Variants in CDH4 observed in about 807,000 individuals in gnomAD.
The protein encoded by CDH4 is cadherin 4, also known as cadherin-4.
In CDH4, 33 loss-of-function variants were observed where a neutral mutation model predicts 86.0. The ratio of observed to expected loss-of-function variants is 0.38; its 90% confidence interval spans 0.29 to 0.51. CDH4 has a LOEUF of 0.51. Among genes scored for constraint, CDH4 ranks in the 20% least tolerant of loss-of-function variants. CDH4 has a pLI of 0.86. For missense variants in CDH4, 1,114 were observed against 1,307.4 expected (o/e 0.85, Z 2.28); for synonymous variants, 555 against 549.4 (o/e 1.01, Z -0.14).
At chr20:61,814,784 T>C (rs1483201359) in intron 4 of CDH4, among the ~76,000 whole-genome samples, 2 of 152,226 alleles carry the variant, frequency 1.3e-5, no homozygotes, top group African/African-American at 4.8e-5. Context: ...AACGAGGCAG[T>C]GCTCACGGTA....
At chr20:61,284,824 T>G (rs1366118799) in intron 2 of CDH4, among the ~76,000 whole-genome samples, 2 of 152,240 alleles carry the variant, frequency 1.3e-5, no homozygotes, top group Non-Finnish European at 2.9e-5. Context: ...TAGTCATTAT[T>G]TTAGGCTTGG....
intron 2 of CDH4, among the ~76,000 whole-genome samples, chr20:61,499,121 A>T (rs1021709495): frequency 6.6e-6 from 1 of 152,224 alleles, no homozygotes; most frequent in African/African-American, 2.4e-5. Context: ...TCGGACACCC[A>T]GGTCCCTCCT....
chr20:61,798,143 C>T (rs1317061349), intron 4 of CDH4, among the ~76,000 whole-genome samples: 1 of 152,150 alleles, frequency 6.6e-6, no homozygotes, highest in African/African-American at 2.4e-5. Context: ...CGCCCTCTCA[C>T]CCTGCGCCTC....
chr20:61,839,055 G>A (rs950278878), intron 4 of CDH4, among the ~76,000 whole-genome samples: 1 of 152,174 alleles, frequency 6.6e-6, no homozygotes, highest in East Asian at 1.9e-4. Flanking sequence ...AAGGGTCTGC[G>A]ATCTGTTTTC....
intron 8 of CDH4, among the ~76,000 whole-genome samples, chr20:61,900,922 A>G (rs1308819464): frequency 2.0e-5 from 3 of 152,216 alleles, no homozygotes; most frequent in East Asian, 1.9e-4. Flanking sequence ...AGAAAGACCA[A>G]TGAGTAAAAC....
chr20:61,747,212 C>T (rs577967811), intron 3 of CDH4, among the ~76,000 whole-genome samples: 7 of 152,190 alleles, frequency 4.6e-5, no homozygotes, highest in East Asian at 1.9e-4. Flanking sequence ...GAGGCCGAGG[C>T]GGGCGGATCA....
At chr20:61,410,569 C>T (rs2085112958) in intron 2 of CDH4, among the ~76,000 whole-genome samples, 1 of 150,840 alleles carries the variant, frequency 6.6e-6, no homozygotes, top group Non-Finnish European at 1.5e-5. Context: ...TCCATCTATC[C>T]ATCCATTCAT....
chr20:61,763,810 G>A (rs538264773), intron 3 of CDH4, among the ~76,000 whole-genome samples: 3 of 152,128 alleles, frequency 2.0e-5, no homozygotes, highest in African/African-American at 4.8e-5. Context: ...CATAATTCCC[G>A]GCTCCTAACA....
Position 61,883,168 on chromosome 20 carries a change from A to C in CDH4, c.1050+9268A>C, listed in dbSNP as rs185309183. On this transcript the variant is annotated intron_variant, in intron 7 of 15. Transcript: ENST00000614565. Reference sequence around the variant, plus strand: ...CCCCCCGCCTACAGCATTCCTCCCGAGACCTCCACAGCTCGACAGCCACAT... The same window carrying C: ...CCCCCCGCCTACAGCATTCCTCCCGCGACCTCCACAGCTCGACAGCCACAT... Among the ~76,000 whole-genome samples, 28 of 148,824 alleles carry C rather than the reference A, an allele frequency of 1.9e-4. No homozygotes were observed. The East Asian group carries it at 4.1e-3, about 22-fold the overall frequency.
At chr20:61,402,317 T>A (rs1422625884) in intron 2 of CDH4, among the ~76,000 whole-genome samples, 13 of 152,230 alleles carry the variant, frequency 8.5e-5, no homozygotes. Context: ...GTAAATGCTA[T>A]GTAAATAGTT....
In CDH4 at chr20:61,708,573, G is replaced by T. The variant is rs2087857748; in HGVS notation, c.170-34990G>T. 6.6e-6 allele frequency among the ~76,000 whole-genome samples: 1 copy of T among 152,028 alleles called. No individual in the cohort carries two copies. The highest frequency in any genetic ancestry group is 6.6e-5 in the Admixed American group (1 of 15,260). On this transcript the variant is annotated intron_variant, in intron 2 of 15. Coordinates refer to ENST00000614565, the MANE Select transcript of CDH4 (RefSeq NM_001794.5). The surrounding 1 kb of genome is among the most constrained non-coding windows in gnomAD (Gnocchi z 4.5). ...AGGCTCTTTGCCCCCCACTTCCCCA[G>T]CCCTGCTCCCTCCAGCCTCATGCCC...
chr20:61,720,253 T>A (rs2088020267), intron 2 of CDH4, among the ~76,000 whole-genome samples: 1 of 152,118 alleles, frequency 6.6e-6, no homozygotes, highest in Non-Finnish European at 1.5e-5. Context: ...GCAGCCAGGT[T>A]TAGTTCTGTG....
intron 2 of CDH4, among the ~76,000 whole-genome samples, chr20:61,557,756 C>A (rs778273525): frequency 5.3e-5 from 8 of 152,194 alleles, no homozygotes; most frequent in Non-Finnish European, 1.0e-4. Context: ...AGGGCGTGAA[C>A]GTGCAGCCAC....
intron 2 of CDH4, among the ~76,000 whole-genome samples, chr20:61,630,398 A>C (rs1049440155): frequency 6.6e-6 from 1 of 152,202 alleles, no homozygotes; most frequent in Non-Finnish European, 1.5e-5. Context: ...GCGAAGTGTC[A>C]GAGATCCCCA....
chr20:61,932,630 TACAC>T (rs1386420110), intron 13 of CDH4, among the ~76,000 whole-genome samples: 6 of 152,142 alleles, frequency 3.9e-5, no homozygotes, highest in African/African-American at 1.4e-4. Flanking sequence ...CAAGCCTTCA[TACAC>T]ACGTCCTCCT....
chr20:61,369,230 ATCATGAGT>A (rs573873742), intron 2 of CDH4, among the ~76,000 whole-genome samples: 265 of 152,150 alleles, frequency 1.7e-3, no homozygotes, highest in Middle Eastern at 3.4e-3. Flanking sequence ...AGGCGGGCAG[ATCATGAGT>A]TCAGGAGTTC....
chr20:61,504,323 T>C (rs1482786280), intron 2 of CDH4, among the ~76,000 whole-genome samples: 1 of 152,200 alleles, frequency 6.6e-6, no homozygotes, highest in Non-Finnish European at 1.5e-5. Context: ...GGAAGCCTAT[T>C]AGATACTCAG....
intron 2 of CDH4, among the ~76,000 whole-genome samples, chr20:61,657,935 G>A (rs561203067): frequency 3.4e-4 from 52 of 152,310 alleles, no homozygotes; most frequent in Non-Finnish European, 6.3e-4. Flanking sequence ...CTCGTCACCG[G>A]TGGGAGCCAA....
At chr20:61,778,653 G>A (rs1476964599) in intron 4 of CDH4, among the ~76,000 whole-genome samples, 1 of 152,084 alleles carries the variant, frequency 6.6e-6, no homozygotes, top group Non-Finnish European at 1.5e-5. Flanking sequence ...GAGTGAGGAG[G>A]TGTACCCACA....
Sources: gnomAD v4.1 joint callset for allele counts (sites outside exome capture counted in the v4.1 genomes callset) on GRCh38, gnomAD v4.1.1 for gene constraint, Gnocchi (gnomAD v3.1) non-coding constraint, MANE v1.5 for transcripts, NCBI Gene and HGNC (gene_info 2026-07-23, HGNC 2026-07-21) for gene names.